The following MYRIP variants were observed in gnomAD, a reference collection of about 807,000 sequenced individuals.
MYRIP encodes the protein myosin VIIA and Rab interacting protein.
A neutral mutation model predicts 98.0 loss-of-function variants in MYRIP; 49 were observed. That is an observed-to-expected ratio of 0.50 (90% CI 0.40 to 0.63). The LOEUF is 0.63. Among genes scored for constraint, MYRIP ranks in the 30% least tolerant of loss-of-function variants. The probability of loss-of-function intolerance (pLI) is 0.00; values close to 1 mark genes in which losing one functional copy is unlikely to be tolerated. For missense variants in MYRIP, 1,004 were observed against 1,058.2 expected, an observed-to-expected ratio of 0.95 and a Z score of 0.71; for synonymous variants, 404 against 409.5, an observed-to-expected ratio of 0.99 and a Z score of 0.16.
chr3:39,828,415 T>C (rs944825013), intron 1 of MYRIP, among the ~76,000 whole-genome samples: 3 of 152,002 alleles, frequency 2.0e-5, no homozygotes, highest in Non-Finnish European at 4.4e-5. Flanking sequence ...TATTGTCTTG[T>C]ATATTACTGA....
At chr3:40,070,313 G>T (rs1948198809) in intron 3 of MYRIP, among the ~76,000 whole-genome samples, 1 of 152,096 alleles carries the variant, frequency 6.6e-6, no homozygotes, top group African/African-American at 2.4e-5. Context: ...TATTTCACAG[G>T]ACTGCTCCTT....
chr3:40,232,918 T>C (rs1952702866), intron 11 of MYRIP: 2 of 152,168 alleles, frequency 1.3e-5, no homozygotes, highest in African/African-American at 4.8e-5. Context: ...TCACATAACA[T>C]GATATTCAGA....
chr3:39,975,635 C>T (rs1250459620), intron 2 of MYRIP, among the ~76,000 whole-genome samples: 5 of 152,010 alleles, frequency 3.3e-5, no homozygotes, highest in African/African-American at 1.2e-4. Context: ...ATCACGCTAC[C>T]TGACTTCAAA....
intron 3 of MYRIP, among the ~76,000 whole-genome samples, chr3:40,072,334 G>A (rs931441174): frequency 6.6e-6 from 1 of 151,972 alleles, no homozygotes; most frequent in East Asian, 1.9e-4. Flanking sequence ...TCAGCCTCCT[G>A]AGTAGCTGGG....
rs545206890 is a variant in MYRIP at position 40,240,212 on chromosome 3, A to G, written c.2101-4234A>G. Reference sequence around the variant, plus strand: ...TTCTCAGGTTTGTCAAAGATCAGATAGTTGTAGATATGCGGCATTATTTCT... The same window carrying G: ...TTCTCAGGTTTGTCAAAGATCAGATGGTTGTAGATATGCGGCATTATTTCT... On this transcript the variant is annotated intron_variant, in intron 12 of 16. Transcript: ENST00000302541. Among the ~76,000 whole-genome samples, 4 of 151,964 alleles carry G rather than the reference A, an allele frequency of 2.6e-5. No individual in the cohort carries two copies. In the South Asian group the frequency reaches 8.3e-4, roughly 32 times the overall value.
intron 2 of MYRIP, among the ~76,000 whole-genome samples, chr3:39,950,697 G>A (rs1944991584): frequency 6.6e-6 from 1 of 152,196 alleles, no homozygotes; most frequent in East Asian, 1.9e-4. Context: ...AGTAGAAGCT[G>A]CTGTTGAGGT....
At chr3:40,132,430 G>T (rs1031631933) in intron 3 of MYRIP, among the ~76,000 whole-genome samples, 2 of 149,186 alleles carry the variant, frequency 1.3e-5, no homozygotes, top group African/African-American at 2.5e-5. Flanking sequence ...GCCCACCTGA[G>T]CTCCTAAAAA....
Position 39,952,203 on chromosome 3 carries a change from C to T in MYRIP, c.110+51277C>T, listed in dbSNP as rs185307520. On this transcript the variant is annotated intron_variant, in intron 2 of 16. Transcript: ENST00000302541. ...TTAGCATACTATTTTTTAGTTTCTC[C>T]ATGTTGTAGCATGCATGAGTCATTT... Among the ~76,000 whole-genome samples the T allele has an allele frequency of 3.3e-5, 5 of 152,232 alleles. No homozygotes were observed. In the East Asian group the frequency reaches 9.7e-4, roughly 29 times the overall value.
At chr3:40,027,454 C>G (rs1397133857) in intron 2 of MYRIP, among the ~76,000 whole-genome samples, 1 of 152,050 alleles carries the variant, frequency 6.6e-6, no homozygotes, top group African/African-American at 2.4e-5. Flanking sequence ...AGCTCTTTTT[C>G]TTTGCTACTT....
At chr3:39,953,755 G>A (rs1397499903) in intron 2 of MYRIP, among the ~76,000 whole-genome samples, 1 of 152,174 alleles carries the variant, frequency 6.6e-6, no homozygotes, top group Non-Finnish European at 1.5e-5. Flanking sequence ...AAGGGGTCAG[G>A]GAATTCCTTT....
chr3:40,207,732 C>T (rs1196891144), intron 10 of MYRIP, among the ~76,000 whole-genome samples: 4 of 152,140 alleles, frequency 2.6e-5, no homozygotes, highest in South Asian at 2.1e-4. Context: ...ATGAAAAGAC[C>T]ATACTTCTTT....
chr3:39,969,324 G>T (rs897637566), intron 2 of MYRIP, among the ~76,000 whole-genome samples: 2 of 151,904 alleles, frequency 1.3e-5, no homozygotes, highest in African/African-American at 4.8e-5. Context: ...TCTTTCTATT[G>T]CTTGATTGCC....
chr3:39,844,688 C>G (rs6804053), intron 1 of MYRIP, among the ~76,000 whole-genome samples: 30,036 of 152,172 alleles, frequency 0.2, 3,083 homozygotes, highest in South Asian at 0.29. Flanking sequence ...GGTTCAATGC[C>G]AGGGCCTTGT....
intron 2 of MYRIP, among the ~76,000 whole-genome samples, chr3:39,990,788 A>C (rs1946154622): frequency 6.6e-6 from 1 of 152,162 alleles, no homozygotes; most frequent in African/African-American, 2.4e-5. Flanking sequence ...ATGCATGTTC[A>C]TTGAGGATAA....
At chr3:40,222,960 T>C (rs1952379169) in intron 11 of MYRIP, among the ~76,000 whole-genome samples, 1 of 152,238 alleles carries the variant, frequency 6.6e-6, no homozygotes, top group Non-Finnish European at 1.5e-5. Flanking sequence ...GGTTTGTAGC[T>C]TAGCCATTAA....
intron 3 of MYRIP, among the ~76,000 whole-genome samples, chr3:40,087,791 G>T (rs1297599226): frequency 1.3e-5 from 2 of 152,186 alleles, no homozygotes; most frequent in Non-Finnish European, 2.9e-5. Flanking sequence ...TGGGTGGAGT[G>T]GGGTGGAGTA....
chr3:39,922,003 C>G (rs1944315141), intron 2 of MYRIP, among the ~76,000 whole-genome samples: 1 of 151,894 alleles, frequency 6.6e-6, no homozygotes, highest in African/African-American at 2.4e-5. Context: ...GGGGGCTCAC[C>G]ATATCTAAGA....
At chr3:39,824,884 T>C (rs1051217463) in intron 1 of MYRIP, among the ~76,000 whole-genome samples, 1 of 152,060 alleles carries the variant, frequency 6.6e-6, no homozygotes, top group African/African-American at 2.4e-5. Context: ...TCTGGCTAAT[T>C]TTTTAAAATT....
At chr3:39,904,080 T>C (rs1047590443) in intron 2 of MYRIP, among the ~76,000 whole-genome samples, 4 of 152,216 alleles carry the variant, frequency 2.6e-5, no homozygotes, top group Non-Finnish European at 5.9e-5. Flanking sequence ...ATTTTACTTT[T>C]TTAGTTTGTC....
Sources: gnomAD v4.1 joint callset for allele counts (sites outside exome capture counted in the v4.1 genomes callset) on GRCh38, gnomAD v4.1.1 for gene constraint, MANE v1.5 for transcripts, NCBI Gene and HGNC (gene_info 2026-07-23, HGNC 2026-07-21) for gene names.